Variants in KCNMA1 observed in about 807,000 individuals in gnomAD.
KCNMA1 encodes potassium calcium-activated channel subfamily M alpha 1.
A neutral mutation model predicts 140.0 loss-of-function variants in KCNMA1; 29 were observed. That is an observed-to-expected ratio of 0.21 (90% confidence interval 0.15 to 0.28). The LOEUF (loss-of-function observed/expected upper bound fraction) is 0.28, where lower values mean the gene tolerates loss of function less well. Among genes scored for constraint, KCNMA1 ranks in the 10% least tolerant of loss-of-function variants. The probability of loss-of-function intolerance (pLI) is 1.00; values close to 1 mark genes in which losing one functional copy is unlikely to be tolerated. For missense variants in KCNMA1, 880 were observed against 1,602.2 expected (o/e 0.55, Z 7.70); for synonymous variants, 612 against 611.9 (o/e 1.00, Z 0.00).
intron 1 of KCNMA1, among the ~76,000 whole-genome samples, chr10:77,591,667 C>G (rs901467202): frequency 6.6e-6 from 1 of 152,210 alleles, no homozygotes; most frequent in Non-Finnish European, 1.5e-5. Flanking sequence ...AAACCACTAA[C>G]TGGACACCTG....
chr10:77,542,132 C>T (rs1462570009), intron 1 of KCNMA1, among the ~76,000 whole-genome samples: 1 of 152,144 alleles, frequency 6.6e-6, no homozygotes, highest in Non-Finnish European at 1.5e-5. Context: ...CAGAAGGCTC[C>T]ATGTATGAAG....
chr10:77,103,819 G>T (rs1370273893), intron 9 of KCNMA1, among the ~76,000 whole-genome samples: 1 of 152,204 alleles, frequency 6.6e-6, no homozygotes, highest in Admixed American at 6.5e-5. Context: ...GACCCTTAGG[G>T]GTAGTGGGTG....
At chr10:77,454,177 G>C (rs1182421223) in intron 1 of KCNMA1, among the ~76,000 whole-genome samples, 2 of 152,140 alleles carry the variant, frequency 1.3e-5, no homozygotes, top group South Asian at 2.1e-4. Context: ...CATTCAAAAA[G>C]GCAAAAAAAT....
chr10:77,094,388 T>G (rs748583520), intron 9 of KCNMA1, among the ~76,000 whole-genome samples: 33 of 152,112 alleles, frequency 2.2e-4, no homozygotes, highest in Non-Finnish European at 4.1e-4. Context: ...CTTCTGCTCC[T>G]TCAGGGCAAG....
intron 1 of KCNMA1, among the ~76,000 whole-genome samples, chr10:77,627,395 T>C (rs113901920): frequency 6.6e-6 from 1 of 152,132 alleles, no homozygotes; most frequent in Non-Finnish European, 1.5e-5. Context: ...CCAGCAACAG[T>C]CAAAAGCCTC....
intron 1 of KCNMA1, among the ~76,000 whole-genome samples, chr10:77,479,901 G>C (rs770151279): frequency 7.9e-5 from 12 of 152,300 alleles, no homozygotes; most frequent in Non-Finnish European, 1.5e-4. Flanking sequence ...GCTCCTGAGG[G>C]GGATGAGGGG....
chr10:76,887,723 G>T (rs973626992), intron 27 of KCNMA1: 1 of 604,334 alleles, frequency 1.7e-6, no homozygotes, highest in Non-Finnish European at 2.9e-6. Context: ...CCAGCCAGGA[G>T]CCCAGGCAGA....
At chr10:77,038,682 C>T (rs186076996) in intron 15 of KCNMA1, among the ~76,000 whole-genome samples, 24 of 152,262 alleles carry the variant, frequency 1.6e-4, no homozygotes, top group Admixed American at 9.8e-4. Flanking sequence ...TAGGACCATA[C>T]GTGTGTGCCA....
intron 1 of KCNMA1, among the ~76,000 whole-genome samples, chr10:77,464,419 A>C (rs992786841): frequency 2.0e-5 from 3 of 152,048 alleles, no homozygotes; most frequent in Non-Finnish European, 2.9e-5. Flanking sequence ...CAGGAAGAAG[A>C]CTTCTTAATG....
At chr10:77,329,856 T>G (rs2085669247) in intron 2 of KCNMA1, among the ~76,000 whole-genome samples, 1 of 152,192 alleles carries the variant, frequency 6.6e-6, no homozygotes, top group Admixed American at 6.5e-5. Context: ...TTTATTCATC[T>G]ATAAAAATGA....
downstream of KCNMA1, chr10:76,873,291 TAAAC>T (rs1471381302): frequency 6.6e-6 from 1 of 152,230 alleles, no homozygotes; most frequent in African/African-American, 2.4e-5. Flanking sequence ...AGACTCCACT[TAAAC>T]AACCAATATG....
At chr10:77,518,604 G>A (rs1241104013) in intron 1 of KCNMA1, among the ~76,000 whole-genome samples, 8 of 152,170 alleles carry the variant, frequency 5.3e-5, no homozygotes, top group Admixed American at 5.2e-4. Flanking sequence ...GCCTGCCCAA[G>A]CACAGGACTG....
intron 23 of KCNMA1, among the ~76,000 whole-genome samples, chr10:76,920,038 A>ATATATATATATATATT (rs1298830735): frequency 8.5e-6 from 1 of 117,190 alleles, no homozygotes; most frequent in Non-Finnish European, 1.7e-5. Flanking sequence ...ATATATATAT[A>ATATATATATATATATT]TATATATATA....
intron 21 of KCNMA1, chr10:76,952,245 G>T: frequency 1.4e-6 from 2 of 1,431,270 alleles, no homozygotes; most frequent in Non-Finnish European, 1.9e-6. Flanking sequence ...ATATGGCTGG[G>T]TGCAGTGACT....
rs1186801585 is a variant in KCNMA1 at position 77,636,253 on chromosome 10, C to T, written c.378+1012G>A. ...CAGTTTTCTATCAGTGTCGGGTCCC[C>T]CACTCCAGCCAGTGGCTGTGGGGAA... On this transcript the variant is annotated intron_variant, in intron 1 of 27. Transcript: ENST00000286628. The T allele has an allele frequency of 4.2e-6, 6 of 1,438,026 alleles. No homozygotes were observed. In the African/African-American group the frequency reaches 8.6e-5, roughly 21 times the overall value. The allele number at this position is 1,438,026 out of a possible 1,614,324, so 89.1% of individuals were successfully genotyped here. A position where few individuals can be genotyped will look rare whatever the true frequency, so the allele number is the denominator to read the frequency against.
chr10:76,885,661 A>G lies in KCNMA1; in HGVS notation c.*1605T>C, dbSNP rs988717022. On this transcript the variant is annotated 3_prime_UTR_variant, in exon 28 of 28. Transcript: ENST00000286628. ...GGAATTCTTTGAAGTAAAACTTTTC[A>G]AATATGTATATACCAGCCTAGTCCA... is the stretch of plus-strand genomic sequence containing the variant. 8 of 985,304 alleles carry G rather than the reference A, an allele frequency of 8.1e-6. No homozygotes were observed. The highest frequency in any genetic ancestry group is 9.6e-6 in the Non-Finnish European group (8 of 829,858). The allele number at this position is 985,304 out of a possible 1,614,324, so 61.0% of individuals were successfully genotyped here.
intron 2 of KCNMA1, among the ~76,000 whole-genome samples, chr10:77,329,227 C>A (rs917652791): frequency 2.0e-5 from 3 of 152,168 alleles, no homozygotes; most frequent in African/African-American, 7.2e-5. Context: ...ATAATGCATA[C>A]CAGAAATAAC....
At chr10:76,876,398 AAAC>A (rs1162083512), downstream of KCNMA1, 1 of 152,632 alleles carries the variant, frequency 6.6e-6, no homozygotes, top group Non-Finnish European at 1.5e-5. Flanking sequence ...GATTGGAACA[AAAC>A]AGTTGCCGGG....
At chr10:77,460,757 A>G (rs2097851601) in intron 1 of KCNMA1, among the ~76,000 whole-genome samples, 1 of 152,168 alleles carries the variant, frequency 6.6e-6, no homozygotes, top group Admixed American at 6.5e-5. Flanking sequence ...TACAGAATGG[A>G]ATAATAATAC....
Sources: allele counts gnomAD v4.1 joint callset (sites outside exome capture counted in the v4.1 genomes callset), GRCh38; gene constraint gnomAD v4.1.1; transcripts MANE v1.5; gene names NCBI Gene and HGNC (gene_info 2026-07-23, HGNC 2026-07-21).